Variants in DPEP2 observed in about 807,000 individuals in gnomAD.
DPEP2 encodes dipeptidase 2.
DPEP2 carries 45 observed loss-of-function variants against 51.8 expected under a neutral mutation model. That is an observed-to-expected ratio of 0.87 (90% CI 0.68 to 1.11). The LOEUF (loss-of-function observed/expected upper bound fraction) is 1.11. Ranked by LOEUF, DPEP2 falls within the 50% of genes most tolerant of loss-of-function variation. The probability of loss-of-function intolerance (pLI) is 0.00; values close to 1 mark genes in which losing one functional copy is unlikely to be tolerated. For missense variants in DPEP2, 604 were observed against 631.9 expected (o/e 0.96, Z 0.47); for synonymous variants, 255 against 262.7 (o/e 0.97, Z 0.28).
chr16:67,992,922 C>A, intron 2 of DPEP2, 28 bp downstream of exon 2: 1 of 1,593,296 alleles, frequency 6.3e-7, no homozygotes, highest in Non-Finnish European at 8.6e-7. Flanking sequence ...TGCTCAGCTC[C>A]CATCGCCCCC....
In DPEP2 at chr16:67,991,247, C is replaced by T. The variant is rs1429470024; in HGVS notation, c.663-63G>A. On this transcript the variant is annotated intron_variant, in intron 5 of 10. Transcript: ENST00000393847. This position sits in a 1 kb window ranked among gnomAD's most constrained non-coding sequence, Gnocchi z 5.1. ...TTCCTCGGCCTCAAGAGTCTAGAGG[C>T]CCTACCCACCCTCCATCCCTGCACC... The T allele has an allele frequency of 3.3e-6, 5 of 1,534,144 alleles. No individual in the cohort carries two copies. The highest frequency in any genetic ancestry group is 4.5e-6 in the Non-Finnish European group (5 of 1,117,928).
intron 4 of DPEP2, 31 bp from the exon 5 acceptor site, chr16:67,992,010 C>T: frequency 6.2e-7 from 1 of 1,613,852 alleles, no homozygotes; most frequent in African/African-American, 1.3e-5. Flanking sequence ...TGATTACTTT[C>T]CAGGGCTGGA....
intron 1 of DPEP2, chr16:67,993,583 C>G (rs989009633): frequency 1.1e-5 from 11 of 1,019,188 alleles, no homozygotes; most frequent in African/African-American, 1.7e-5. Context: ...CCCCTAGGCT[C>G]TCTCTCTAAG....
chr16:67,992,926 C>A, intron 2 of DPEP2, 24 bp downstream of exon 2: 10 of 1,596,434 alleles, frequency 6.3e-6, no homozygotes, highest in South Asian at 1.1e-5. Context: ...CAGCTCCCAT[C>A]GCCCCCTTGC....
chr16:67,988,062 GAA>G, intron 9 of DPEP2, 75 bp from the exon 10 acceptor site: 3 of 1,596,916 alleles, frequency 1.9e-6, no homozygotes, highest in Non-Finnish European at 2.6e-6. Flanking sequence ...CAGGGTCTAT[GAA>G]ACCCCAGCCC....
intron 8 of DPEP2, 77 bp downstream of exon 8, chr16:67,989,970 C>G: frequency 6.7e-7 from 1 of 1,488,416 alleles, no homozygotes. Flanking sequence ...AGTGAAACCA[C>G]TGGGACAGTC....
chr16:67,992,752 T>G, intron 2 of DPEP2, 116 bp from the exon 3 acceptor site: 2 of 1,518,932 alleles, frequency 1.3e-6, no homozygotes, highest in Non-Finnish European at 1.8e-6. Context: ...ATGACTATAC[T>G]GAGATCCCCT....
chr16:67,994,996 GT>G, intron 1 of DPEP2: 1 of 634,838 alleles, frequency 1.6e-6, no homozygotes, highest in Non-Finnish European at 2.0e-6. Context: ...CACCTCCTGG[GT>G]TCAAGCGATT....
At chr16:68,000,152 G>A (rs1391314845), upstream of DPEP2, among the ~76,000 whole-genome samples, 1 of 152,164 alleles carries the variant, frequency 6.6e-6, no homozygotes, top group Admixed American at 6.6e-5. Context: ...TAGGGCTGTT[G>A]AGGCAAGGCC....
rs35421512 is a variant in DPEP2 at position 67,996,999 on chromosome 16, ATATTATTATTAT to A, written c.-46+2364_-46+2375del. 4.1e-3 allele frequency among the ~76,000 whole-genome samples: 574 copies of A among 139,100 alleles called. 2 individuals are homozygous for A. Among genetic ancestry groups the A allele is most frequent in the East Asian group, 0.013 (60 of 4,774 alleles). 91.3% of individuals were successfully genotyped at this position (139,100 alleles called of 152,430 possible). A position where few individuals can be genotyped will look rare whatever the true frequency, so the allele number is the denominator to read the frequency against. ...CCTGTCTGTAAAAAAATAGATAATG[ATATTATTATTAT>A]TATTATTATTATTATTATTATTATT... On this transcript the variant is annotated intron_variant, in intron 1 of 10. Coordinates refer to ENST00000393847, the MANE Select transcript of DPEP2 (RefSeq NM_022355.4).
chr16:68,000,596 G>T (rs2032960647), upstream of DPEP2: 1 of 715,506 alleles, frequency 1.4e-6, no homozygotes, highest in Non-Finnish European at 1.7e-6. Context: ...TTCCAAGCCA[G>T]AAAGCAGCCT....
At position 67,993,608 on chromosome 16, in the gene DPEP2, G is replaced by A. The variant is rs569921151; in HGVS notation, c.-45-351C>T. 3.2e-5 allele frequency: 32 copies of A among 998,126 alleles called. No individual in the cohort carries two copies. The African/African-American group carries it at 5.4e-4, about 17-fold the overall frequency. 61.8% of individuals were successfully genotyped at this position (998,126 alleles called of 1,614,324 possible). The stretch of plus-strand genomic sequence containing the variant: ...CTCTCTCTAAGAGAGAGGGCCTGGG[G>A]TGCTTCCCCCAAACAGTGGCCCTCT... On this transcript the variant is annotated intron_variant, in intron 1 of 10. Coordinates refer to ENST00000393847, the MANE Select transcript of DPEP2 (RefSeq NM_022355.4).
chr16:67,996,853 A>C (rs2032725633), intron 1 of DPEP2, among the ~76,000 whole-genome samples: 1 of 151,984 alleles, frequency 6.6e-6, no homozygotes, highest in Non-Finnish European at 1.5e-5. Context: ...ATGCAACTTC[A>C]GTCCTCAAAT....
At chr16:67,988,688 G>A (rs987770516) in intron 9 of DPEP2, among the ~76,000 whole-genome samples, 7 of 152,076 alleles carry the variant, frequency 4.6e-5, no homozygotes, top group African/African-American at 1.4e-4. Flanking sequence ...GGAGGCCAAG[G>A]CAGGAGAATC....
upstream of DPEP2, chr16:68,000,615 T>C: frequency 2.4e-6 from 1 of 417,174 alleles, no homozygotes; most frequent in East Asian, 1.6e-4. Flanking sequence ...CTGGCCACTG[T>C]AGACAAACAT....
chr16:67,989,289 C>G (rs1598258733), intron 9 of DPEP2, 34 bp downstream of exon 9: 2 of 1,613,342 alleles, frequency 1.2e-6, no homozygotes, highest in East Asian at 4.5e-5. Flanking sequence ...TGCTGTACAG[C>G]TAGCCCAAGA....
intron 1 of DPEP2, among the ~76,000 whole-genome samples, chr16:67,996,209 T>C (rs2032686301): frequency 6.6e-6 from 1 of 151,720 alleles, no homozygotes. Context: ...GCTATTTTTT[T>C]TTTTTTTTTT....
In DPEP2 at chr16:67,990,994, C is replaced by A. The variant is rs963010731; in HGVS notation, c.736G>T (p.Val246Leu). The A allele has an allele frequency of 8.1e-6, 13 of 1,613,804 alleles. No individual in the cohort carries two copies. Among genetic ancestry groups the A allele is most frequent in the Non-Finnish European group, 1.1e-5 (13 of 1,179,814 alleles). ...CCCAGGCGGTTCATTTCTGCCACCA[C>A]CTTCTGCAGGGACATGTTGGGAGAA... is the stretch of plus-strand genomic sequence containing the variant. Reference protein sequence around the residue: ...ISGLTDFGEKVVAEMNRLGMM... With the variant: ...ISGLTDFGEKLVAEMNRLGMM... Residue 246 changes from valine to leucine, a missense_variant, in exon 7 of 11, where the codon GTG becomes TTG. Physicochemically the swap from Val to Leu is conservative, Grantham distance 32. Transcript: ENST00000393847.
intron 3 of DPEP2, 44 bp downstream of exon 3, chr16:67,992,466 C>T (rs745788013): frequency 1.9e-6 from 3 of 1,579,230 alleles, no homozygotes; most frequent in Non-Finnish European, 1.7e-6. Context: ...TCCCCATCAT[C>T]CCCCAGCAGC....
Sources: allele counts gnomAD v4.1 joint callset (sites outside exome capture counted in the v4.1 genomes callset), GRCh38; gene constraint gnomAD v4.1.1; non-coding constraint Gnocchi (gnomAD v3.1); transcripts MANE v1.5; gene names NCBI Gene and HGNC (gene_info 2026-07-23, HGNC 2026-07-21).